ANTXR1: variants seen among roughly 807,000 people sequenced by gnomAD.
ANTXR1 encodes ANTXR cell adhesion molecule 1, also known as anthrax toxin receptor 1.
A neutral mutation model predicts 78.1 loss-of-function variants in ANTXR1; 19 were observed. The ratio of observed to expected loss-of-function variants is 0.24; its 90% CI spans 0.17 to 0.36. The LOEUF (loss-of-function observed/expected upper bound fraction) is 0.36. Among genes scored for constraint, ANTXR1 ranks in the 10% least tolerant of loss-of-function variants. The pLI is 1.00. For synonymous variants in ANTXR1, 273 were observed against 260.5 expected (o/e 1.05, Z -0.46); for missense variants, 518 against 718.6 (o/e 0.72, Z 3.19).
At chr2:69,224,263 T>A (rs1002318583) in intron 17 of ANTXR1, among the ~76,000 whole-genome samples, 1 of 152,188 alleles carries the variant, frequency 6.6e-6, no homozygotes, top group Non-Finnish European at 1.5e-5. Context: ...TTTCAGAGAC[T>A]CAAACCAGAA....
intron 17 of ANTXR1, among the ~76,000 whole-genome samples, chr2:69,235,717 T>TTAAA (rs1675745231): frequency 7.0e-6 from 1 of 143,574 alleles, no homozygotes; most frequent in East Asian, 2.0e-4. Flanking sequence ...CCACATAAAC[T>TTAAA]TATTTAACTT....
chr2:69,136,676 G>C (rs1672916322), intron 12 of ANTXR1, among the ~76,000 whole-genome samples: 1 of 152,156 alleles, frequency 6.6e-6, no homozygotes, highest in South Asian at 2.1e-4. Context: ...TGTTAGAAAA[G>C]AATAAAAGTT....
chr2:69,217,670 A>G (rs1338969445), intron 17 of ANTXR1, among the ~76,000 whole-genome samples: 1 of 152,118 alleles, frequency 6.6e-6, no homozygotes, highest in Non-Finnish European at 1.5e-5. Context: ...GTTATTATTA[A>G]AAGAAAATAC....
chr2:69,157,789 G>A (rs1007998590), intron 13 of ANTXR1, among the ~76,000 whole-genome samples: 13 of 152,336 alleles, frequency 8.5e-5, no homozygotes, highest in Non-Finnish European at 1.3e-4. Context: ...AATTATTTCA[G>A]CAATTTCCTA....
chr2:69,147,857 T>A (rs1339084463), intron 12 of ANTXR1, among the ~76,000 whole-genome samples: 1 of 152,240 alleles, frequency 6.6e-6, no homozygotes, highest in Non-Finnish European at 1.5e-5. Flanking sequence ...CCTACAAGGC[T>A]GTTTTACCGA....
At chr2:69,185,268 C>T (rs1370189170) in intron 16 of ANTXR1, among the ~76,000 whole-genome samples, 1 of 152,168 alleles carries the variant, frequency 6.6e-6, no homozygotes, top group African/African-American at 2.4e-5. Context: ...CAGCTGGGCG[C>T]AGTGGCTCAT....
At chr2:69,042,497 T>C (rs1185141135) in intron 2 of ANTXR1, among the ~76,000 whole-genome samples, 1 of 152,176 alleles carries the variant, frequency 6.6e-6, no homozygotes, top group East Asian at 1.9e-4. Context: ...CAGGTCTTTG[T>C]TTCTGTCTTG....
chr2:69,109,425 T>G (rs1671910338), intron 10 of ANTXR1, among the ~76,000 whole-genome samples: 1 of 151,980 alleles, frequency 6.6e-6, no homozygotes, highest in African/African-American at 2.4e-5. Context: ...CCAAGAAAAA[T>G]GTGGAAACTC....
At chr2:69,222,750 G>A (rs1019196178) in intron 17 of ANTXR1, among the ~76,000 whole-genome samples, 3 of 152,164 alleles carry the variant, frequency 2.0e-5, no homozygotes, top group Middle Eastern at 3.2e-3. Flanking sequence ...TGCATATCAA[G>A]AAGAGAAACT....
At chr2:69,155,309 C>G (rs1019810420) in intron 13 of ANTXR1, among the ~76,000 whole-genome samples, 1 of 152,152 alleles carries the variant, frequency 6.6e-6, no homozygotes, top group East Asian at 1.9e-4. Flanking sequence ...TTTTAAGATT[C>G]CTATACCTAT....
In ANTXR1 at chr2:69,013,280, T is replaced by C; in HGVS notation, c.-220T>C. ...CCTTTAAAAGAAGCGGAGGACAGGATTGGGATCCTTGAAACCCGAAACCCA... is the reference window on the plus strand; with the variant it reads ...CCTTTAAAAGAAGCGGAGGACAGGACTGGGATCCTTGAAACCCGAAACCCA... On this transcript the variant is annotated 5_prime_UTR_variant, in exon 1 of 18. Transcript: ENST00000303714. This position sits in a 1 kb window ranked among gnomAD's most constrained non-coding sequence, Gnocchi z 5.0. The C allele has an allele frequency of 1.5e-6, 1 of 668,282 alleles. No homozygotes were observed. The highest frequency in any genetic ancestry group is 2.6e-6 in the Non-Finnish European group (1 of 390,248). The allele number at this position is 668,282 out of a possible 1,614,324, so 41.4% of individuals were successfully genotyped here.
chr2:69,123,238 G>A (rs1047155274), intron 11 of ANTXR1, 152 bp downstream of exon 11: 9 of 798,050 alleles, frequency 1.1e-5, no homozygotes, highest in South Asian at 2.8e-5. Flanking sequence ...TGACCCAGAC[G>A]CCAGGATAAG....
intron 8 of ANTXR1, among the ~76,000 whole-genome samples, chr2:69,085,551 G>C (rs1416670095): frequency 1.3e-5 from 2 of 152,166 alleles, no homozygotes; most frequent in African/African-American, 4.8e-5. Context: ...AGTTTATTAA[G>C]ACGTGCAGGA....
chr2:69,019,268 T>G (rs1158837971), intron 1 of ANTXR1, among the ~76,000 whole-genome samples: 1 of 152,228 alleles, frequency 6.6e-6, no homozygotes, highest in Non-Finnish European at 1.5e-5. Flanking sequence ...GGATTTTAAT[T>G]CGTATAAGTC....
intron 8 of ANTXR1, among the ~76,000 whole-genome samples, chr2:69,087,004 A>G (rs909987586): frequency 3.9e-5 from 6 of 152,244 alleles, no homozygotes; most frequent in Non-Finnish European, 8.8e-5. Flanking sequence ...CAAACAAAAT[A>G]TCTCTGCGTT....
rs79143707 is a variant in ANTXR1, at chr2:69,236,965, C to A, written c.1435-8260C>A. Among the ~76,000 whole-genome samples the A allele has an allele frequency of 2.7e-3, 413 of 152,224 alleles. 9 individuals are homozygous for A. In the East Asian group the frequency reaches 0.033, roughly 12 times the overall value. On this transcript the variant is annotated intron_variant, in intron 17 of 17. Transcript: ENST00000303714. ...TCTGAATGCTATAATTTAACATTCC[C>A]TTCTCCCTTCCTTTTTTTGTGTATT...
chr2:69,098,684 C>G (rs35685045), intron 9 of ANTXR1, among the ~76,000 whole-genome samples: 3 of 152,046 alleles, frequency 2.0e-5, no homozygotes, highest in African/African-American at 4.8e-5. Flanking sequence ...AAAAATCACC[C>G]TTTTAAAAGG....
chr2:69,080,279 G>A (rs191957233), intron 8 of ANTXR1, among the ~76,000 whole-genome samples: 2 of 152,132 alleles, frequency 1.3e-5, no homozygotes, highest in African/African-American at 4.8e-5. Context: ...TTTTTAAGAA[G>A]TAGATTCATT....
intron 10 of ANTXR1, among the ~76,000 whole-genome samples, chr2:69,113,338 G>A (rs1010124604): frequency 5.3e-5 from 8 of 152,188 alleles, no homozygotes; most frequent in Admixed American, 2.0e-4. Flanking sequence ...GATGATGGAA[G>A]AGAAGGTGAT....
Sources: gnomAD v4.1 joint callset for allele counts (sites outside exome capture counted in the v4.1 genomes callset) on GRCh38, gnomAD v4.1.1 for gene constraint, Gnocchi (gnomAD v3.1) non-coding constraint, MANE v1.5 for transcripts, NCBI Gene and HGNC (gene_info 2026-07-23, HGNC 2026-07-21) for gene names.